Variants in PRH1 observed in about 807,000 individuals in gnomAD.
PRH1 encodes the protein salivary acidic proline-rich phosphoprotein 1/2.
Under a neutral mutation model 7.9 loss-of-function variants are expected in PRH1, and 7 were observed. That is an observed-to-expected ratio of 0.89 (90% CI 0.50 to 1.67). The LOEUF (loss-of-function observed/expected upper bound fraction) is 1.67. Ranked by LOEUF, PRH1 falls within the 40% of genes most tolerant of loss-of-function variation. The pLI is 0.00. For synonymous variants in PRH1, 45 were observed against 80.8 expected (o/e 0.56, Z 2.38); for missense variants, 109 against 223.6 (o/e 0.49, Z 3.27).
At chr12:11,052,920 TTTGATTTTTTG>T (rs1274448109) in intron 1 of PRH1, among the ~76,000 whole-genome samples, 2 of 111,512 alleles carry the variant, frequency 1.8e-5, no homozygotes, top group Admixed American at 9.4e-5. Flanking sequence ...TTCTGATTTT[TTTGATTTTTTG>T]TTTTTTGTTT....
At chr12:11,170,893 G>T (rs1249403689) in intron 1 of PRH1, among the ~76,000 whole-genome samples, 2 of 152,112 alleles carry the variant, frequency 1.3e-5, no homozygotes, top group African/African-American at 4.8e-5. Flanking sequence ...ATTGGCGTAG[G>T]AATCATCTTG....
At chr12:11,114,885 A>C (rs1262589474) in intron 1 of PRH1, among the ~76,000 whole-genome samples, 1 of 152,162 alleles carries the variant, frequency 6.6e-6, no homozygotes, top group Non-Finnish European at 1.5e-5. Flanking sequence ...TCAAACCAAA[A>C]AGCATAGAAT....
intron 2 of PRH1, among the ~76,000 whole-genome samples, chr12:10,949,210 G>T (rs1213472297): frequency 6.6e-6 from 1 of 152,210 alleles, no homozygotes. Context: ...CCATCCCAGA[G>T]AGATGCAGGT....
At chr12:11,025,744 C>A (rs1204082646) in intron 1 of PRH1, among the ~76,000 whole-genome samples, 16 of 152,398 alleles carry the variant, frequency 1.0e-4, no homozygotes, top group Middle Eastern at 3.4e-3. Flanking sequence ...ATGCTTCATT[C>A]TGTGTAGCTA....
chr12:10,987,542 AAGAG>A lies in PRH1; in HGVS notation c.-125-13825_-125-13822del, dbSNP rs143040427. On this transcript the variant is annotated intron_variant, in intron 1 of 3. Transcript: ENST00000539853. ...GTTCATAAATAGATACAAACACAGA[AAGAG>A]AGAGAGAGAGAGAGAGAGAGACTGT... Among the ~76,000 whole-genome samples, 440 of 147,438 alleles carry A rather than the reference AAGAG, an allele frequency of 3.0e-3. 8 individuals carry two copies. The South Asian group carries it at 0.062, about 21-fold the overall frequency.
At chr12:10,898,643 T>C (rs900394982) in intron 2 of PRH1, among the ~76,000 whole-genome samples, 1 of 152,102 alleles carries the variant, frequency 6.6e-6, no homozygotes, top group African/African-American at 2.4e-5. Context: ...TAAAATATAG[T>C]TTATAAGAAG....
chr12:11,163,200 GA>G (rs763408464), intron 1 of PRH1, among the ~76,000 whole-genome samples: 1 of 151,682 alleles, frequency 6.6e-6, no homozygotes. Flanking sequence ...ATTAAAAAAG[GA>G]AAAAAAATTG....
intron 2 of PRH1, among the ~76,000 whole-genome samples, chr12:10,893,432 C>A (rs1315371283): frequency 6.6e-6 from 1 of 152,086 alleles, no homozygotes; most frequent in African/African-American, 2.4e-5. Context: ...TTTAACTAGG[C>A]CTCCTATATT....
At chr12:11,001,327 T>G (rs1940585069) in intron 1 of PRH1, among the ~76,000 whole-genome samples, 2 of 152,248 alleles carry the variant, frequency 1.3e-5, no homozygotes, top group Middle Eastern at 6.8e-3. Context: ...ATTTTACTCT[T>G]TTTTTATTAG....
At chr12:11,146,280 T>C (rs975331603) in intron 1 of PRH1, among the ~76,000 whole-genome samples, 1 of 151,422 alleles carries the variant, frequency 6.6e-6, no homozygotes, top group Non-Finnish European at 1.5e-5. Flanking sequence ...GTTTTTTTAC[T>C]GAATCTAAAG....
At chr12:11,069,412 G>A (rs1182855060) in intron 1 of PRH1, among the ~76,000 whole-genome samples, 1 of 99,290 alleles carries the variant, frequency 1.0e-5, no homozygotes, top group Non-Finnish European at 2.4e-5. Flanking sequence ...TCATTGCAGA[G>A]ATTGTAGAAT....
At chr12:10,957,589 C>T (rs1938034105) in intron 2 of PRH1, among the ~76,000 whole-genome samples, 1 of 152,018 alleles carries the variant, frequency 6.6e-6, no homozygotes, top group Admixed American at 6.6e-5. Flanking sequence ...AACTGAAGAG[C>T]TTCTGCACAA....
At chr12:11,057,056 G>C (rs1376074206) in intron 1 of PRH1, among the ~76,000 whole-genome samples, 3 of 151,748 alleles carry the variant, frequency 2.0e-5, no homozygotes, top group African/African-American at 7.3e-5. Context: ...ACCCAAGCTG[G>C]AGTACAGTGG....
intron 1 of PRH1, among the ~76,000 whole-genome samples, chr12:11,043,242 A>C (rs1942783166): frequency 6.6e-6 from 1 of 152,232 alleles, no homozygotes; most frequent in African/African-American, 2.4e-5. Flanking sequence ...GATAAAATTC[A>C]ATATTCCTTC....
chr12:10,887,528 T>TC (rs1183646009), upstream of PRH1, among the ~76,000 whole-genome samples: 9 of 150,604 alleles, frequency 6.0e-5, no homozygotes, highest in South Asian at 2.1e-4. Context: ...CATATTTCTT[T>TC]TTTTTTTTTT....
chr12:10,986,000 T>A lies in PRH1; in HGVS notation c.-125-12279A>T, dbSNP rs779897641. On this transcript the variant is annotated intron_variant, in intron 1 of 3. Transcript: ENST00000539853. ...GACACAAAATCAAAAGAAAGGTGTG[T>A]TTTAGCTTCTTGGTTCTCCAAATTA... 6 of 1,613,684 alleles carry A rather than the reference T, an allele frequency of 3.7e-6. No homozygotes were observed. The Middle Eastern group carries it at 6.6e-4, about 178-fold the overall frequency.
At chr12:11,009,342 C>T (rs1405820936) in intron 1 of PRH1, among the ~76,000 whole-genome samples, 1 of 151,752 alleles carries the variant, frequency 6.6e-6, no homozygotes, top group Non-Finnish European at 1.5e-5. Flanking sequence ...TTCTATTGGT[C>T]TTTGATGTCC....
chr12:11,152,619 A>T (rs1277278878), intron 1 of PRH1, among the ~76,000 whole-genome samples: 2 of 152,162 alleles, frequency 1.3e-5, no homozygotes, highest in East Asian at 3.9e-4. Flanking sequence ...AGATGACAGT[A>T]GATTGGATTT....
chr12:11,147,355 T>G (rs1012152846), intron 1 of PRH1, among the ~76,000 whole-genome samples: 1 of 151,944 alleles, frequency 6.6e-6, no homozygotes, highest in Non-Finnish European at 1.5e-5. Flanking sequence ...ACACCGCTAA[T>G]TTTTGTATTT....
Sources: gnomAD v4.1 joint callset for allele counts (sites outside exome capture counted in the v4.1 genomes callset) on GRCh38, gnomAD v4.1.1 for gene constraint, MANE v1.5 for transcripts, NCBI Gene and HGNC (gene_info 2026-07-23, HGNC 2026-07-21) for gene names.